ZNF280C: variants seen among roughly 807,000 people sequenced by gnomAD.
ZNF280C encodes suppressor of hairy wing homolog 3.
Under a neutral mutation model 53.6 loss-of-function variants are expected in ZNF280C, and 14 were observed. The observed-to-expected ratio is 0.26, with a 90% CI of 0.17 to 0.41. The LOEUF is 0.41. Among genes scored for constraint, ZNF280C ranks in the 10% least tolerant of loss-of-function variants. ZNF280C has a pLI of 1.00. For missense variants in ZNF280C, 416 were observed against 547.1 expected, an observed-to-expected ratio of 0.76 and a Z score of 2.39; for synonymous variants, 203 against 181.1, an observed-to-expected ratio of 1.12 and a Z score of -0.97.
chrX:130,234,238 T>A (rs1324015288), intron 8 of ZNF280C, among the ~76,000 whole-genome samples: 1 of 111,462 alleles, frequency 9.0e-6, no homozygotes, highest in African/African-American at 3.3e-5. Context: ...GTGGAAACAA[T>A]AAGAAAGCAA....
intron 2 of ZNF280C, among the ~76,000 whole-genome samples, chrX:130,259,524 A>C (rs1202349842): frequency 8.9e-6 from 1 of 112,571 alleles, no homozygotes; most frequent in African/African-American, 3.2e-5. Context: ...TAACATATAT[A>C]GTATGATCTT....
intron 8 of ZNF280C, among the ~76,000 whole-genome samples, chrX:130,233,622 CAAAA>C (rs35420272): frequency 1.9e-5 from 1 of 52,821 alleles, no homozygotes. Flanking sequence ...AACTCTGTCT[CAAAA>C]AAAAAAAAAA....
At chrX:130,228,275 A>ATTATT (rs765075400) in intron 10 of ZNF280C, among the ~76,000 whole-genome samples, 390 of 111,632 alleles carry the variant, frequency 3.5e-3, no homozygotes, top group Non-Finnish European at 5.7e-3. Flanking sequence ...AAAGATTTCA[A>ATTATT]TTATTTTATT....
intron 12 of ZNF280C, among the ~76,000 whole-genome samples, chrX:130,224,294 G>T (rs2124701921): frequency 9.0e-6 from 1 of 111,706 alleles, no homozygotes; most frequent in Admixed American, 9.5e-5. Flanking sequence ...GTCCTCACCA[G>T]ACACTGAACC....
intron 2 of ZNF280C, among the ~76,000 whole-genome samples, chrX:130,255,350 C>T (rs947091048): frequency 9.6e-6 from 1 of 104,228 alleles, no homozygotes; most frequent in African/African-American, 3.5e-5. Context: ...CCGTTTTAGC[C>T]GGGATGGTCT....
At chrX:130,250,656 A>G (rs773241456) in intron 2 of ZNF280C, among the ~76,000 whole-genome samples, 9 of 112,199 alleles carry the variant, frequency 8.0e-5, no homozygotes, top group Non-Finnish European at 1.5e-4. Flanking sequence ...CCAATCAAAA[A>G]AAGGTGAGAA....
intron 2 of ZNF280C, among the ~76,000 whole-genome samples, chrX:130,258,680 T>G (rs1367130109): frequency 8.9e-6 from 1 of 112,569 alleles, no homozygotes; most frequent in Non-Finnish European, 1.9e-5. Flanking sequence ...ATTTCAGTAT[T>G]TGTATATTCT....
chrX:130,268,394 G>A (rs1362590093), intron 1 of ZNF280C, among the ~76,000 whole-genome samples: 1 of 111,725 alleles, frequency 9.0e-6, no homozygotes, highest in Non-Finnish European at 1.9e-5. Context: ...AGTATCAACC[G>A]TACAAAAGAC....
chrX:130,257,595 T>C (rs1199655500), intron 2 of ZNF280C, among the ~76,000 whole-genome samples: 2 of 111,282 alleles, frequency 1.8e-5, no homozygotes, highest in African/African-American at 3.3e-5. Context: ...AAAACAGCTA[T>C]ACAACTGAAA....
intron 12 of ZNF280C, among the ~76,000 whole-genome samples, chrX:130,225,917 C>A (rs2032217094): frequency 8.9e-6 from 1 of 111,807 alleles, no homozygotes; most frequent in African/African-American, 3.2e-5. Flanking sequence ...CATGACCAGA[C>A]TTAGTAAATC....
intron 1 of ZNF280C, among the ~76,000 whole-genome samples, chrX:130,268,072 A>AT (rs2032708902): frequency 9.0e-6 from 1 of 111,704 alleles, no homozygotes; most frequent in African/African-American, 3.3e-5. Flanking sequence ...CCTCAGCATA[A>AT]TTTTTTCCAT....
chrX:130,203,979 G>A lies in ZNF280C; in HGVS notation c.*998C>T, dbSNP rs2031943447. On this transcript the variant is annotated 3_prime_UTR_variant, in exon 19 of 19. Coordinates refer to ENST00000370978, the MANE Select transcript of ZNF280C (RefSeq NM_017666.5). Reference sequence around the variant, plus strand: ...TAAAACAAAATAAAATGTAAAAAATGTTTAAAAATGAGAATATTAGTATTG... The same window carrying A: ...TAAAACAAAATAAAATGTAAAAAATATTTAAAAATGAGAATATTAGTATTG... The A allele has an allele frequency of 9.1e-6, 1 of 110,235 alleles. No individual in the cohort carries two copies. The highest frequency in any genetic ancestry group is 3.3e-5 in the African/African-American group (1 of 30,275). 9.1% of individuals were successfully genotyped at this position (110,235 alleles called of 1,213,427 possible).
At chrX:130,236,132 A>G in intron 8 of ZNF280C, 82 bp downstream of exon 8, 1 of 600,162 alleles carries the variant, frequency 1.7e-6, no homozygotes, top group Non-Finnish European at 2.5e-6. Context: ...TGGATAAACC[A>G]GCATTTACTG....
intron 15 of ZNF280C, among the ~76,000 whole-genome samples, chrX:130,211,527 C>T (rs144684365): frequency 1.3e-4 from 15 of 111,184 alleles, no homozygotes; most frequent in African/African-American, 2.6e-4. Context: ...AAGTCCACAC[C>T]GAGTAGGAGT....
At chrX:130,208,056 T>C (rs1431280679) in intron 16 of ZNF280C, among the ~76,000 whole-genome samples, 1 of 112,452 alleles carries the variant, frequency 8.9e-6, no homozygotes, top group Non-Finnish European at 1.9e-5. Context: ...AGCTAAAGAA[T>C]ATTTCATTTT....
chrX:130,225,893 G>A (rs915874537), intron 12 of ZNF280C, among the ~76,000 whole-genome samples: 1 of 111,862 alleles, frequency 8.9e-6, no homozygotes, highest in African/African-American at 3.2e-5. Context: ...CAGTGAGGAG[G>A]CAAAACTTGA....
At position 130,215,881 on chromosome X, in the gene ZNF280C, C is replaced by T. The variant is rs750209787; in HGVS notation, c.1748G>A (p.Arg583His). Residue 583 changes from arginine to histidine, a missense_variant, in exon 14 of 19, where the codon CGT becomes CAT. By Grantham distance (29) the Arg-to-His change is conservative. This residue lies in a region of ZNF280C where 151 missense variants were observed against 176.9 expected (regional missense o/e 0.85). Transcript: ENST00000370978. ...SKVNTSKPRG[R>H]IAKSKAKPSY... is the part of the protein sequence containing the mutation. The stretch of plus-strand genomic sequence containing the variant: ...GGGTTTTGCTTTGGACTTAGCTATA[C>T]GTCCCCTTGGCTTACTTGTATTAAC... 9.2e-6 allele frequency: 11 copies of T among 1,200,988 alleles called. No homozygotes were observed. The highest frequency in any genetic ancestry group is 3.5e-5 in the African/African-American group (2 of 57,300).
chrX:130,257,044 C>CA (rs1211466342), intron 2 of ZNF280C, among the ~76,000 whole-genome samples: 1 of 107,340 alleles, frequency 9.3e-6, no homozygotes. Context: ...ACTAAAAACA[C>CA]AAAAAAATTA....
At chrX:130,257,727 T>C (rs1056929237) in intron 2 of ZNF280C, among the ~76,000 whole-genome samples, 1 of 112,115 alleles carries the variant, frequency 8.9e-6, no homozygotes, top group Non-Finnish European at 1.9e-5. Context: ...TTCAAGAGAC[T>C]GTGCTTAAGT....
Sources: gnomAD v4.1 joint callset for allele counts (sites outside exome capture counted in the v4.1 genomes callset) on GRCh38, gnomAD v4.1.1 for gene constraint, gnomAD v4.1.1 regional missense constraint, MANE v1.5 for transcripts, NCBI Gene and HGNC (gene_info 2026-07-23, HGNC 2026-07-21) for gene names.